The following PPP2R3A variants were observed in gnomAD, a reference collection of about 807,000 sequenced individuals.
PPP2R3A encodes the protein serine/threonine-protein phosphatase 2A regulatory subunit B'' subunit alpha.
PPP2R3A carries 80 observed loss-of-function variants against 106.9 expected under a neutral mutation model. The observed-to-expected ratio is 0.75, with a 90% CI of 0.62 to 0.90. The LOEUF (loss-of-function observed/expected upper bound fraction) is 0.90, where lower values mean the gene tolerates loss of function less well. PPP2R3A is among the 40% of genes least tolerant of loss of function. The pLI, the probability that PPP2R3A is intolerant of heterozygous loss-of-function variation, is 0.00. For synonymous variants in PPP2R3A, 483 were observed against 468.3 expected (o/e 1.03, Z -0.41); for missense variants, 1,386 against 1,350.4 (o/e 1.03, Z -0.41).
intron 2 of PPP2R3A, among the ~76,000 whole-genome samples, chr3:136,017,056 T>C (rs1310750786): frequency 6.6e-6 from 1 of 152,214 alleles, no homozygotes; most frequent in African/African-American, 2.4e-5. Flanking sequence ...AAAAAGACTT[T>C]ATCTTTCTTT....
chr3:136,099,539 C>T (rs1026587184), intron 10 of PPP2R3A, among the ~76,000 whole-genome samples: 1 of 151,824 alleles, frequency 6.6e-6, no homozygotes, highest in African/African-American at 2.4e-5. Flanking sequence ...TTTGAGTAAT[C>T]AAAACTACAA....
intron 6 of PPP2R3A, among the ~76,000 whole-genome samples, chr3:136,077,274 T>C (rs990086274): frequency 6.6e-6 from 1 of 152,216 alleles, no homozygotes; most frequent in Non-Finnish European, 1.5e-5. Context: ...TTTCCCTGTT[T>C]AGAACAGTTG....
chr3:136,076,527 A>G (rs1427972780), intron 6 of PPP2R3A, among the ~76,000 whole-genome samples: 1 of 152,234 alleles, frequency 6.6e-6, no homozygotes, highest in African/African-American at 2.4e-5. Flanking sequence ...CAAAACTCTG[A>G]GTAGAGTTCT....
intron 13 of PPP2R3A, among the ~76,000 whole-genome samples, chr3:136,129,780 G>C (rs1355875022): frequency 6.6e-6 from 1 of 151,968 alleles, no homozygotes; most frequent in Admixed American, 6.6e-5. Context: ...ATACTGGCAG[G>C]CCGAACCCAG....
chr3:136,013,192 ATG>A (rs1186753315), intron 2 of PPP2R3A, among the ~76,000 whole-genome samples: 5 of 139,904 alleles, frequency 3.6e-5, no homozygotes, highest in African/African-American at 1.5e-4. Context: ...GTATGTATGT[ATG>A]TATGTATGTA....
Position 136,082,266 on chromosome 3 carries a change from C to A in PPP2R3A, c.2633C>A (p.Thr878Asn). 3 of 1,578,660 alleles carry A rather than the reference C, an allele frequency of 1.9e-6. No homozygotes were observed. The highest frequency in any genetic ancestry group is 1.3e-5 in the African/African-American group (1 of 74,126). Residue 878 changes from threonine (T) to asparagine (N), a missense_variant and splice_region_variant, in exon 8 of 14, where the codon ACC becomes AAC. Coordinates refer to ENST00000264977, the MANE Select transcript of PPP2R3A (RefSeq NM_002718.5). ...ATTCTTCTTTTCATATAATTTCAGA[C>A]CCTAGCACTTTTGGAAGAAGAGGAA... ...TEIRKSNFLQ[T>N]LALLEEEEDI... is the part of the protein sequence containing the mutation.
chr3:136,079,406 ATTTT>A (rs199806582), intron 7 of PPP2R3A: 100 of 156,820 alleles, frequency 6.4e-4, no homozygotes, highest in Middle Eastern at 2.3e-3. Flanking sequence ...ATAATCCATA[ATTTT>A]TTTTTTTTTT....
intron 3 of PPP2R3A, among the ~76,000 whole-genome samples, chr3:136,032,240 T>C (rs184384670): frequency 6.6e-6 from 1 of 152,300 alleles, no homozygotes; most frequent in Admixed American, 6.5e-5. Context: ...ACCTCCTTGG[T>C]TAGGTATATT....
At chr3:135,983,467 A>T (rs1171174029) in intron 1 of PPP2R3A, among the ~76,000 whole-genome samples, 1 of 152,236 alleles carries the variant, frequency 6.6e-6, no homozygotes, top group African/African-American at 2.4e-5. Flanking sequence ...CTTAATACTA[A>T]AAAGACAAGA....
intron 13 of PPP2R3A, among the ~76,000 whole-genome samples, chr3:136,122,363 A>G (rs552210992): frequency 6.6e-6 from 1 of 152,158 alleles, no homozygotes; most frequent in Middle Eastern, 3.4e-3. Context: ...CTCTCCCTCC[A>G]TATATGTGAA....
intron 8 of PPP2R3A, among the ~76,000 whole-genome samples, chr3:136,084,896 C>G (rs1936882939): frequency 6.6e-6 from 1 of 152,238 alleles, no homozygotes; most frequent in Non-Finnish European, 1.5e-5. Flanking sequence ...TACCCAATGC[C>G]TGTATCCCTG....
chr3:136,109,113 A>G (rs1315974840), intron 13 of PPP2R3A, among the ~76,000 whole-genome samples: 1 of 152,226 alleles, frequency 6.6e-6, no homozygotes, highest in South Asian at 2.1e-4. Context: ...ATAATATTCC[A>G]TAAGAAAAAA....
At chr3:135,992,092 G>T (rs945233513) in intron 1 of PPP2R3A, among the ~76,000 whole-genome samples, 1 of 151,684 alleles carries the variant, frequency 6.6e-6, no homozygotes, top group Non-Finnish European at 1.5e-5. Flanking sequence ...TTTTGAAGTG[G>T]ACATGACAAA....
intron 5 of PPP2R3A, chr3:136,055,811 G>A (rs1280451218): frequency 3.7e-6 from 2 of 540,346 alleles, no homozygotes; most frequent in Non-Finnish European, 6.6e-6. Flanking sequence ...AAATGATTGG[G>A]GAGAAGAAAC....
intron 6 of PPP2R3A, 150 bp from the exon 7 acceptor site, chr3:136,078,217 T>C: frequency 1.6e-6 from 1 of 628,250 alleles, no homozygotes. Flanking sequence ...GATTTAAAAA[T>C]ACAGTGCTGA....
In PPP2R3A at chr3:136,001,159, T is replaced by A. The variant is rs1933608708; in HGVS notation, c.-340T>A. 7.3e-6 allele frequency: 3 copies of A among 410,100 alleles called. No homozygotes were observed. The highest frequency in any genetic ancestry group is 1.2e-3 in the Middle Eastern group (2 of 1,630). 25.4% of individuals were successfully genotyped at this position (410,100 alleles called of 1,614,324 possible). On this transcript the variant is annotated 5_prime_UTR_variant, in exon 2 of 14. Coordinates refer to ENST00000264977, the MANE Select transcript of PPP2R3A (RefSeq NM_002718.5). ...CCAACTAAGATTTATGATAGTAAAT[T>A]TATGAGAGCAAATTTCCATGTTATA...
intron 5 of PPP2R3A, among the ~76,000 whole-genome samples, chr3:136,051,753 A>T (rs1464354439): frequency 6.6e-6 from 1 of 152,268 alleles, no homozygotes; most frequent in Non-Finnish European, 1.5e-5. Flanking sequence ...ACACAGATCC[A>T]AAAACAGTAT....
intron 11 of PPP2R3A, among the ~76,000 whole-genome samples, chr3:136,102,432 C>T (rs1334660981): frequency 2.0e-5 from 3 of 150,762 alleles, no homozygotes; most frequent in African/African-American, 4.9e-5. Flanking sequence ...CTGCAACCTC[C>T]GCCTCCTGGG....
chr3:136,087,243 GTGTCTCTCTCTC>G (rs1936964597), intron 8 of PPP2R3A, among the ~76,000 whole-genome samples: 1 of 75,062 alleles, frequency 1.3e-5, no homozygotes, highest in Non-Finnish European at 2.9e-5. Context: ...GTCTCTAGTC[GTGTCTCTCTCTC>G]TCTCTCTCTC....
Sources: gnomAD v4.1 joint callset for allele counts (sites outside exome capture counted in the v4.1 genomes callset) on GRCh38, gnomAD v4.1.1 for gene constraint, MANE v1.5 for transcripts, NCBI Gene and HGNC (gene_info 2026-07-23, HGNC 2026-07-21) for gene names.